The following SLCO3A1 variants were observed in gnomAD, a reference collection of about 807,000 sequenced individuals.
SLCO3A1 encodes the protein solute carrier organic anion transporter family member 3A1.
A neutral mutation model predicts 63.1 loss-of-function variants in SLCO3A1; 27 were observed. That is an observed-to-expected ratio of 0.43 (90% CI 0.32 to 0.59). SLCO3A1 has a LOEUF of 0.59. SLCO3A1 is among the 20% of genes least tolerant of loss of function. The probability of loss-of-function intolerance (pLI) is 0.09; values close to 1 mark genes in which losing one functional copy is unlikely to be tolerated. For missense variants in SLCO3A1, 773 were observed against 945.8 expected (o/e 0.82, Z 2.40); for synonymous variants, 473 against 409.9 (o/e 1.15, Z -1.86).
At position 92,002,977 on chromosome 15, in the gene SLCO3A1, G is replaced by C. The variant is rs1418828417; in HGVS notation, c.646+86519G>C. Among the ~76,000 whole-genome samples the C allele has an allele frequency of 2.6e-5, 4 of 152,114 alleles. No homozygotes were observed. The East Asian group carries it at 7.7e-4, about 29-fold the overall frequency. On this transcript the variant is annotated intron_variant, in intron 2 of 9. Coordinates refer to ENST00000318445, the MANE Select transcript of SLCO3A1 (RefSeq NM_013272.4). The stretch of plus-strand genomic sequence containing the variant: ...TCTCAAATCTGAACAGTAGAGATGA[G>C]GTTGATTGCTTATCTCACGGAGTAT...
intron 8 of SLCO3A1, among the ~76,000 whole-genome samples, chr15:92,150,249 C>G (rs2048287191): frequency 6.6e-6 from 1 of 152,180 alleles, no homozygotes; most frequent in Admixed American, 6.5e-5. Context: ...GCTTTATATT[C>G]TAGCTGTGCT....
intron 6 of SLCO3A1, among the ~76,000 whole-genome samples, chr15:92,126,768 C>T (rs543291205): frequency 6.6e-6 from 1 of 152,262 alleles, no homozygotes; most frequent in Admixed American, 6.5e-5. Flanking sequence ...ACTTTTCTTT[C>T]TTCCTAGTTT....
chr15:92,089,704 A>G (rs1036266378), intron 2 of SLCO3A1, among the ~76,000 whole-genome samples: 3 of 152,162 alleles, frequency 2.0e-5, no homozygotes, highest in African/African-American at 7.2e-5. Context: ...CTGGTGCTGA[A>G]TTTAAAGATT....
chr15:91,898,028 C>T (rs1262296630), intron 1 of SLCO3A1, among the ~76,000 whole-genome samples: 1 of 152,224 alleles, frequency 6.6e-6, no homozygotes, highest in Non-Finnish European at 1.5e-5. Context: ...TAAGGTGCCT[C>T]TCTCGACACG....
rs181640200 is a variant in SLCO3A1 at position 91,894,130 on chromosome 15, C to T, written c.181-21863C>T. Among the ~76,000 whole-genome samples, 8 of 152,140 alleles carry T rather than the reference C, an allele frequency of 5.3e-5. No homozygotes were observed. The highest frequency in any genetic ancestry group is 1.7e-4 in the African/African-American group (7 of 41,494). Reference sequence around the variant, plus strand: ...CCAGGCAGATGCAGTAGCACATTGTCTCAAGTTGAGGATGGGTTTGATCTG... The same window carrying T: ...CCAGGCAGATGCAGTAGCACATTGTTTCAAGTTGAGGATGGGTTTGATCTG... On this transcript the variant is annotated intron_variant, in intron 1 of 9. Transcript: ENST00000318445. This position sits in a 1 kb window ranked among gnomAD's most constrained non-coding sequence, Gnocchi z 4.8.
At chr15:92,091,228 G>A (rs1403012838) in intron 2 of SLCO3A1, among the ~76,000 whole-genome samples, 1 of 152,102 alleles carries the variant, frequency 6.6e-6, no homozygotes, top group Non-Finnish European at 1.5e-5. Flanking sequence ...AATTATCCAG[G>A]GTAGTAGCAA....
chr15:91,922,021 C>T (rs1037635084), intron 2 of SLCO3A1, among the ~76,000 whole-genome samples: 2 of 152,124 alleles, frequency 1.3e-5, no homozygotes, highest in Non-Finnish European at 2.9e-5. Context: ...AGGCATGAGC[C>T]ACTGCGCCCG....
chr15:91,981,823 C>T (rs1352899498), intron 2 of SLCO3A1, among the ~76,000 whole-genome samples: 9 of 152,186 alleles, frequency 5.9e-5, no homozygotes, highest in Non-Finnish European at 7.3e-5. Context: ...TTCTAAGCTC[C>T]CTGAGAACAG....
At chr15:92,015,169 G>A (rs1208001412) in intron 2 of SLCO3A1, among the ~76,000 whole-genome samples, 1 of 152,162 alleles carries the variant, frequency 6.6e-6, no homozygotes, top group Non-Finnish European at 1.5e-5. Context: ...CAAGAGCTAG[G>A]CATAGGAGTG....
At chr15:92,107,634 T>C (rs2047681872) in intron 4 of SLCO3A1, among the ~76,000 whole-genome samples, 1 of 152,262 alleles carries the variant, frequency 6.6e-6, no homozygotes, top group Non-Finnish European at 1.5e-5. Context: ...TCATCCGTTT[T>C]GTCTGAGCTT....
At chr15:91,960,635 A>G (rs893807173) in intron 2 of SLCO3A1, among the ~76,000 whole-genome samples, 1 of 152,084 alleles carries the variant, frequency 6.6e-6, no homozygotes, top group Non-Finnish European at 1.5e-5. Flanking sequence ...TACAGGAGTA[A>G]TTTATTCTTT....
At chr15:92,023,283 A>G (rs887884079) in intron 2 of SLCO3A1, among the ~76,000 whole-genome samples, 5 of 152,232 alleles carry the variant, frequency 3.3e-5, no homozygotes, top group Non-Finnish European at 7.3e-5. Flanking sequence ...GGAAAAGTCT[A>G]GTAGCTGTTT....
At chr15:92,051,191 G>A (rs570619562) in intron 2 of SLCO3A1, among the ~76,000 whole-genome samples, 6 of 152,332 alleles carry the variant, frequency 3.9e-5, no homozygotes, top group Admixed American at 3.3e-4. Flanking sequence ...ACAGTGAGGT[G>A]AAGGCTTCAG....
intron 2 of SLCO3A1, among the ~76,000 whole-genome samples, chr15:91,979,080 C>T (rs892405464): frequency 6.6e-6 from 1 of 152,124 alleles, no homozygotes; most frequent in African/African-American, 2.4e-5. Context: ...ACAGGTACCT[C>T]ATTTGCAAAA....
At chr15:92,036,182 A>G (rs1182503953) in intron 2 of SLCO3A1, among the ~76,000 whole-genome samples, 4 of 152,214 alleles carry the variant, frequency 2.6e-5, no homozygotes, top group Non-Finnish European at 5.9e-5. Flanking sequence ...GCTGGATTTC[A>G]TGAAACCCAA....
At chr15:92,062,860 C>G (rs564607513) in intron 2 of SLCO3A1, among the ~76,000 whole-genome samples, 3 of 152,296 alleles carry the variant, frequency 2.0e-5, no homozygotes, top group South Asian at 2.1e-4. Context: ...CAGGGCAGCC[C>G]TGGGATGGCT....
intron 2 of SLCO3A1, among the ~76,000 whole-genome samples, chr15:92,008,483 A>G (rs931332325): frequency 6.6e-6 from 1 of 152,244 alleles, no homozygotes; most frequent in Admixed American, 6.5e-5. Context: ...TGCACATTCA[A>G]TGAGCTAAAA....
intron 2 of SLCO3A1, among the ~76,000 whole-genome samples, chr15:91,925,563 G>A (rs552003745): frequency 4.9e-4 from 75 of 151,638 alleles, no homozygotes; most frequent in South Asian, 8.3e-4. Context: ...TGGTCAGTCC[G>A]GGCATGGTCA....
chr15:91,901,106 T>G (rs1898143715), intron 1 of SLCO3A1, among the ~76,000 whole-genome samples: 1 of 152,196 alleles, frequency 6.6e-6, no homozygotes, highest in Admixed American at 6.5e-5. Flanking sequence ...CTCTTTTGTG[T>G]TAATATTTTC....
Sources: gnomAD v4.1 joint callset for allele counts (sites outside exome capture counted in the v4.1 genomes callset) on GRCh38, gnomAD v4.1.1 for gene constraint, Gnocchi (gnomAD v3.1) non-coding constraint, MANE v1.5 for transcripts, NCBI Gene and HGNC (gene_info 2026-07-23, HGNC 2026-07-21) for gene names.